ANKS1B: variants seen among roughly 807,000 people sequenced by gnomAD.
ANKS1B encodes the protein ankyrin repeat and sterile alpha motif domain-containing protein 1B.
ANKS1B carries 36 observed loss-of-function variants against 148.3 expected under a neutral mutation model. The ratio of observed to expected loss-of-function variants is 0.24; its 90% CI spans 0.19 to 0.32. The LOEUF is 0.32. Ranked by LOEUF, ANKS1B falls within the 10% of genes least tolerant of loss-of-function variation. The pLI is 1.00. For missense variants in ANKS1B, 1,157 were observed against 1,542.6 expected (o/e 0.75, Z 4.19); for synonymous variants, 542 against 560.8 (o/e 0.97, Z 0.47).
Position 98,892,654 on chromosome 12 carries a change from C to T in ANKS1B, c.2779-60518G>A, listed in dbSNP as rs553059744. Among the ~76,000 whole-genome samples the T allele has an allele frequency of 3.2e-4, 48 of 152,314 alleles. No individual in the cohort carries two copies. The South Asian group carries it at 3.5e-3, about 11-fold the overall frequency. The stretch of plus-strand genomic sequence containing the variant: ...ACTATTCAGAGATTATCACTTTAAA[C>T]TGCTGACAAATAAGTGCACTTATGC... On this transcript the variant is annotated intron_variant, in intron 17 of 26. Transcript: ENST00000683438.
At chr12:98,853,960 T>A (rs2099547231) in intron 17 of ANKS1B, among the ~76,000 whole-genome samples, 1 of 152,134 alleles carries the variant, frequency 6.6e-6, no homozygotes, top group African/African-American at 2.4e-5. Flanking sequence ...TAATCAGGCT[T>A]CATTATGATC....
intron 1 of ANKS1B, among the ~76,000 whole-genome samples, chr12:99,931,859 G>A (rs10745878): frequency 0.6 from 91,452 of 151,842 alleles, 28,661 homozygotes; most frequent in Middle Eastern, 0.7. Flanking sequence ...GCTATCAAAT[G>A]CTAGGTCTTA....
At chr12:99,591,644 C>T (rs1406361476) in intron 9 of ANKS1B, among the ~76,000 whole-genome samples, 1 of 152,092 alleles carries the variant, frequency 6.6e-6, no homozygotes, top group African/African-American at 2.4e-5. Context: ...ACTCTGGTTA[C>T]TACTAAGACC....
chr12:99,255,886 C>G (rs193108734), intron 12 of ANKS1B, among the ~76,000 whole-genome samples: 2 of 152,100 alleles, frequency 1.3e-5, no homozygotes, highest in South Asian at 2.1e-4. Context: ...CTTTTTGTGA[C>G]TGTTTCATGA....
At chr12:99,455,265 A>C (rs2095827487) in intron 10 of ANKS1B, among the ~76,000 whole-genome samples, 1 of 152,164 alleles carries the variant, frequency 6.6e-6, no homozygotes, top group Admixed American at 6.5e-5. Context: ...CTCTCTATGA[A>C]AGGAAGTTAG....
At chr12:99,163,741 G>T (rs753542406) in intron 14 of ANKS1B, among the ~76,000 whole-genome samples, 9 of 152,000 alleles carry the variant, frequency 5.9e-5, no homozygotes, top group Non-Finnish European at 1.2e-4. Context: ...TTTTGGAATT[G>T]GGATTTTTCA....
intron 8 of ANKS1B, among the ~76,000 whole-genome samples, chr12:99,680,257 A>G (rs1406294681): frequency 6.6e-6 from 1 of 152,200 alleles, no homozygotes; most frequent in African/African-American, 2.4e-5. Flanking sequence ...CCTGGCCAAC[A>G]TGGCAAAACC....
intron 8 of ANKS1B, among the ~76,000 whole-genome samples, chr12:99,674,266 A>G (rs1418145171): frequency 6.6e-6 from 1 of 151,872 alleles, no homozygotes; most frequent in Admixed American, 6.6e-5. Context: ...AGTTATACAT[A>G]AAGTGAGGGC....
At chr12:99,161,976 C>T (rs1426768747) in intron 14 of ANKS1B, among the ~76,000 whole-genome samples, 8 of 151,972 alleles carry the variant, frequency 5.3e-5, no homozygotes, top group Non-Finnish European at 1.5e-5. Context: ...ATACTATTGA[C>T]TATTACTTGA....
chr12:99,440,689 G>C (rs566307568), intron 11 of ANKS1B, among the ~76,000 whole-genome samples: 1 of 151,730 alleles, frequency 6.6e-6, no homozygotes, highest in Non-Finnish European at 1.5e-5. Flanking sequence ...CTGGGAAGCC[G>C]GCAGCTTCCA....
chr12:99,479,460 A>G (rs934590039), intron 10 of ANKS1B, among the ~76,000 whole-genome samples: 1 of 152,068 alleles, frequency 6.6e-6, no homozygotes, highest in African/African-American at 2.4e-5. Context: ...TTTTTGCAAT[A>G]CATTTCCATA....
chr12:99,419,726 T>C (rs2095027312), intron 11 of ANKS1B, among the ~76,000 whole-genome samples: 1 of 152,266 alleles, frequency 6.6e-6, no homozygotes, highest in South Asian at 2.1e-4. Flanking sequence ...TAGAGTCCAG[T>C]GGTAAAATCA....
intron 12 of ANKS1B, among the ~76,000 whole-genome samples, chr12:99,278,227 C>G (rs1266731208): frequency 6.6e-6 from 1 of 152,184 alleles, no homozygotes; most frequent in East Asian, 1.9e-4. Context: ...ACACCACATA[C>G]AGGCCTGGCC....
At chr12:98,741,861 G>A (rs1294797230), downstream of ANKS1B, among the ~76,000 whole-genome samples, 3 of 152,196 alleles carry the variant, frequency 2.0e-5, no homozygotes, top group Non-Finnish European at 2.9e-5. Context: ...GACTTCCCAC[G>A]TGTCTTACTG....
intron 19 of ANKS1B, among the ~76,000 whole-genome samples, chr12:98,824,301 G>A (rs903661656): frequency 2.0e-5 from 3 of 152,156 alleles, no homozygotes; most frequent in African/African-American, 7.2e-5. Flanking sequence ...AAAGAAAAAT[G>A]CAAATTCCAT....
intron 12 of ANKS1B, among the ~76,000 whole-genome samples, chr12:99,362,965 T>C (rs966678143): frequency 3.3e-5 from 5 of 152,016 alleles, no homozygotes; most frequent in African/African-American, 1.2e-4. Flanking sequence ...AGTAAATAAT[T>C]ATTATTTCCA....
chr12:99,168,577 G>A (rs2077430263), intron 14 of ANKS1B, among the ~76,000 whole-genome samples: 1 of 151,864 alleles, frequency 6.6e-6, no homozygotes, highest in Admixed American at 6.6e-5. Context: ...ACAGAATGAT[G>A]AGGAGGGAAG....
At chr12:99,912,937 T>C (rs933653694) in intron 1 of ANKS1B, among the ~76,000 whole-genome samples, 1 of 152,214 alleles carries the variant, frequency 6.6e-6, no homozygotes, top group Non-Finnish European at 1.5e-5. Context: ...TAGTTAGGCA[T>C]GGTTTGTTTG....
At chr12:99,360,122 C>T (rs901579612) in intron 12 of ANKS1B, among the ~76,000 whole-genome samples, 1 of 152,054 alleles carries the variant, frequency 6.6e-6, no homozygotes, top group Admixed American at 6.6e-5. Flanking sequence ...CAGAGAATAC[C>T]TAATCCCGAC....
Sources: gnomAD v4.1 joint callset for allele counts (sites outside exome capture counted in the v4.1 genomes callset) on GRCh38, gnomAD v4.1.1 for gene constraint, MANE v1.5 for transcripts, NCBI Gene and HGNC (gene_info 2026-07-23, HGNC 2026-07-21) for gene names.